The following XYLT1 variants were observed in gnomAD, a reference collection of about 807,000 sequenced individuals.
XYLT1 encodes beta-D-xylosyltransferase 1.
XYLT1 carries 36 observed loss-of-function variants against 91.3 expected under a neutral mutation model. The observed-to-expected ratio is 0.39, with a 90% CI of 0.30 to 0.52. The LOEUF (loss-of-function observed/expected upper bound fraction) is 0.52, where lower values mean the gene tolerates loss of function less well. Among genes scored for constraint, XYLT1 ranks in the 20% least tolerant of loss-of-function variants. The pLI is 0.68. For synonymous variants in XYLT1, 588 were observed against 532.0 expected, an observed-to-expected ratio of 1.11 and a Z score of -1.45; for missense variants, 1,242 against 1,284.5, an observed-to-expected ratio of 0.97 and a Z score of 0.51.
intron 1 of XYLT1, among the ~76,000 whole-genome samples, chr16:17,450,149 C>T (rs2036645883): frequency 6.6e-6 from 1 of 151,978 alleles, no homozygotes; most frequent in Non-Finnish European, 1.5e-5. Context: ...ACCAGCCTGG[C>T]CAACATGGTG....
chr16:17,352,493 A>G (rs2035235433), intron 2 of XYLT1, among the ~76,000 whole-genome samples: 1 of 152,230 alleles, frequency 6.6e-6, no homozygotes, highest in East Asian at 1.9e-4. Flanking sequence ...AAATGCCTTA[A>G]TTGAATCTAA....
chr16:17,378,272 T>C (rs1462045401), intron 1 of XYLT1, among the ~76,000 whole-genome samples: 2 of 151,326 alleles, frequency 1.3e-5, no homozygotes, highest in East Asian at 1.9e-4. Context: ...GCAGTTCCCA[T>C]ACCAAATAGG....
chr16:17,378,926 ACC>A (rs1332057547), intron 1 of XYLT1, among the ~76,000 whole-genome samples: 1 of 152,162 alleles, frequency 6.6e-6, no homozygotes, highest in Admixed American at 6.5e-5. Context: ...TTTAACTTTT[ACC>A]ACAAGGGATA....
chr16:17,119,106 A>G (rs2029957574), intron 10 of XYLT1, among the ~76,000 whole-genome samples: 1 of 152,122 alleles, frequency 6.6e-6, no homozygotes, highest in East Asian at 1.9e-4. Flanking sequence ...CTCCAGCTGT[A>G]ATATAAGCTC....
chr16:17,117,893 C>T lies in XYLT1; in HGVS notation c.2310G>A (p.Gln770=), dbSNP rs1048279301. The T allele has an allele frequency of 1.9e-6, 3 of 1,614,026 alleles. No individual in the cohort carries two copies. Among genetic ancestry groups the T allele is most frequent in the Admixed American group, 1.7e-5 (1 of 60,000 alleles). ...TCACATTAGGTCCCTTCCCCCACTTCTGCATACCCACCGGCTCATCCATGG... is the reference window on the plus strand; with the variant it reads ...TCACATTAGGTCCCTTCCCCCACTTTTGCATACCCACCGGCTCATCCATGG... ...LGPMDEPVGM[Q]KWGKGPNVTV... is the part of the protein sequence containing the mutation. The change falls in exon 11 of 12, where the codon CAG becomes CAA. Residue 770 remains glutamine, a synonymous_variant. Coordinates refer to ENST00000261381, the MANE Select transcript of XYLT1 (RefSeq NM_022166.4).
At chr16:17,281,855 C>T (rs2034063484) in intron 2 of XYLT1, among the ~76,000 whole-genome samples, 1 of 152,218 alleles carries the variant, frequency 6.6e-6, no homozygotes, top group Admixed American at 6.5e-5. Flanking sequence ...GGGTCAGTCC[C>T]TCTGGTCCCT....
At chr16:17,175,806 C>T (rs1475246700) in intron 5 of XYLT1, among the ~76,000 whole-genome samples, 1 of 152,236 alleles carries the variant, frequency 6.6e-6, no homozygotes, top group East Asian at 1.9e-4. Flanking sequence ...TCTGTGCAGG[C>T]ACCTCCACTT....
intron 2 of XYLT1, among the ~76,000 whole-genome samples, chr16:17,313,023 C>T (rs1471965323): frequency 6.6e-6 from 1 of 152,220 alleles, no homozygotes; most frequent in African/African-American, 2.4e-5. Context: ...GGCATGTCCG[C>T]CCAGGGCCAT....
Position 17,411,330 on chromosome 16 carries a change from G to A in XYLT1, c.364-53280C>T, listed in dbSNP as rs902981704. On this transcript the variant is annotated intron_variant, in intron 1 of 11. Coordinates refer to ENST00000261381, the MANE Select transcript of XYLT1 (RefSeq NM_022166.4). Reference sequence around the variant, plus strand: ...CATGGTGGTAGTTTCTTCATAAGCTGCCATTAAAGCAAAGAGCTACCTACT... The same window carrying A: ...CATGGTGGTAGTTTCTTCATAAGCTACCATTAAAGCAAAGAGCTACCTACT... 3.3e-5 allele frequency among the ~76,000 whole-genome samples: 5 copies of A among 152,202 alleles called. No individual in the cohort carries two copies. The East Asian group carries it at 9.7e-4, about 29-fold the overall frequency.
At chr16:17,210,568 C>G (rs1176812910) in intron 3 of XYLT1, among the ~76,000 whole-genome samples, 1 of 151,574 alleles carries the variant, frequency 6.6e-6, no homozygotes, top group East Asian at 1.9e-4. Context: ...CAAAATGAGA[C>G]TCCATCTTAA....
intron 2 of XYLT1, among the ~76,000 whole-genome samples, chr16:17,330,083 T>C (rs929941055): frequency 2.2e-5 from 3 of 135,124 alleles, no homozygotes; most frequent in Admixed American, 1.6e-4. Context: ...CAAATCTATA[T>C]GCACCACATA....
At chr16:17,273,519 G>A (rs1331649788) in intron 2 of XYLT1, among the ~76,000 whole-genome samples, 1 of 152,170 alleles carries the variant, frequency 6.6e-6, no homozygotes. Context: ...CACATTAACA[G>A]CATCCCCAAG....
intron 2 of XYLT1, among the ~76,000 whole-genome samples, chr16:17,330,401 A>G (rs1176605344): frequency 6.6e-6 from 1 of 151,806 alleles, no homozygotes; most frequent in African/African-American, 2.4e-5. Context: ...GACCACCACC[A>G]CCCATACATA....
chr16:17,198,296 A>T lies in XYLT1; in HGVS notation c.1205T>A (p.Leu402Gln). The T allele has an allele frequency of 6.2e-7, 1 of 1,614,216 alleles. No homozygotes were observed. Among genetic ancestry groups the T allele is most frequent in the Non-Finnish European group, 8.5e-7 (1 of 1,180,016 alleles). ...CTCCAGGAGGTCCCGCATGCTCTGCAGGTAGGTGGACAGGAGGCTGGCTCC... is the reference window on the plus strand; with the variant it reads ...CTCCAGGAGGTCCCGCATGCTCTGCTGGTAGGTGGACAGGAGGCTGGCTCC... The part of the protein sequence containing the change: ...WGGASLLSTY[L>Q]QSMRDLLEMT... The change falls in exon 5 of 12, where the codon CTG becomes CAG. Residue 402 changes from leucine (L) to glutamine (Q), a missense_variant. Transcript: ENST00000261381.
chr16:17,437,106 T>A (rs537043678), intron 1 of XYLT1, among the ~76,000 whole-genome samples: 5 of 152,238 alleles, frequency 3.3e-5, no homozygotes, highest in Non-Finnish European at 7.4e-5. Flanking sequence ...ATCCGAAAAC[T>A]GAGTGAAGCC....
chr16:17,350,340 G>A (rs1596496503), intron 2 of XYLT1, among the ~76,000 whole-genome samples: 1 of 152,128 alleles, frequency 6.6e-6, no homozygotes, highest in East Asian at 1.9e-4. Context: ...GGCTATTTGC[G>A]GAATGTTGTA....
intron 5 of XYLT1, among the ~76,000 whole-genome samples, chr16:17,180,190 T>C (rs529512504): frequency 2.6e-5 from 4 of 152,348 alleles, no homozygotes; most frequent in East Asian, 3.9e-4. Flanking sequence ...CAGTGCCCCC[T>C]TGGTACTGCA....
At chr16:17,283,330 G>A (rs1453088857) in intron 2 of XYLT1, among the ~76,000 whole-genome samples, 1 of 152,160 alleles carries the variant, frequency 6.6e-6, no homozygotes, top group African/African-American at 2.4e-5. Context: ...GAAGGCCGGG[G>A]GCAGTCACAG....
intron 1 of XYLT1, among the ~76,000 whole-genome samples, chr16:17,360,810 T>G (rs1226303235): frequency 6.6e-6 from 1 of 152,226 alleles, no homozygotes; most frequent in Non-Finnish European, 1.5e-5. Context: ...TACAGTAGAG[T>G]AAATTCCTGT....
Sources: gnomAD v4.1 joint callset for allele counts (sites outside exome capture counted in the v4.1 genomes callset) on GRCh38, gnomAD v4.1.1 for gene constraint, MANE v1.5 for transcripts, NCBI Gene and HGNC (gene_info 2026-07-23, HGNC 2026-07-21) for gene names.